EPB42: variants seen among roughly 807,000 people sequenced by gnomAD.
EPB42 encodes the protein erythrocyte membrane protein band 4.2, also known as protein 4.2.
A neutral mutation model predicts 76.9 loss-of-function variants in EPB42; 49 were observed. That is an observed-to-expected ratio of 0.64 (90% CI 0.51 to 0.81). The LOEUF (loss-of-function observed/expected upper bound fraction) is 0.81. Among genes scored for constraint, EPB42 ranks in the 30% least tolerant of loss-of-function variants. The pLI is 0.00. For synonymous variants in EPB42, 310 were observed against 338.4 expected (o/e 0.92, Z 0.92); for missense variants, 731 against 867.6 (o/e 0.84, Z 1.98).
In EPB42 at chr15:43,216,314, A is replaced by G; in HGVS notation, c.150T>C (p.Arg50=). 6.2e-7 allele frequency: 1 copy of G among 1,614,192 alleles called. No individual in the cohort carries two copies. Among genetic ancestry groups the G allele is most frequent in the Non-Finnish European group, 8.5e-7 (1 of 1,180,036 alleles). Residue 50 remains arginine (R), a synonymous_variant, in exon 2 of 13, where the codon CGT becomes CGC. Coordinates refer to ENST00000441366, the MANE Select transcript of EPB42 (RefSeq NM_001114134.2). ...CCTTCTTCAGGGCAGGCAGAAATGC[A>G]CGGACTGGAGCGCGGAAGTACAGGA... The part of the protein sequence containing the change: ...TIILYFRAPV[R]AFLPALKKVA...
upstream of EPB42, among the ~76,000 whole-genome samples, chr15:43,222,153 AT>A (rs1489707680): frequency 1.3e-5 from 2 of 151,712 alleles, no homozygotes; most frequent in African/African-American, 2.4e-5. Context: ...AAAAAAAAAA[AT>A]CCTTCATAAG....
chr15:43,204,665 A>G (rs1423578500), intron 10 of EPB42, among the ~76,000 whole-genome samples: 1 of 152,090 alleles, frequency 6.6e-6, no homozygotes, highest in East Asian at 1.9e-4. Context: ...CACATTCACA[A>G]GCCCCATCTA....
upstream of EPB42, among the ~76,000 whole-genome samples, chr15:43,223,790 A>G (rs1177376088): frequency 6.6e-6 from 1 of 152,170 alleles, no homozygotes; most frequent in Non-Finnish European, 1.5e-5. Flanking sequence ...CCAGGCCAAG[A>G]TGGTGAAAAC....
rs1406267503 is a variant in EPB42, at chr15:43,201,717, T to C, written c.1913+127A>G. 12 of 1,386,840 alleles carry C rather than the reference T, an allele frequency of 8.7e-6. No individual in the cohort carries two copies. The Admixed American group carries it at 1.8e-4, about 21-fold the overall frequency. 85.9% of individuals were successfully genotyped at this position (1,386,840 alleles called of 1,614,324 possible). On this transcript the variant is annotated intron_variant, in intron 12 of 12. Transcript: ENST00000441366. ...GGAAGCCACTTGGTAGCCCTAATCC[T>C]TTAGTTTAGTTTCTAGGGGTATCTG...
chr15:43,216,576 G>T (rs1020450011), intron 1 of EPB42, 123 bp from the exon 2 acceptor site: 1 of 997,812 alleles, frequency 1.0e-6, no homozygotes, highest in Non-Finnish European at 1.5e-6. Flanking sequence ...TTTTAGCTGC[G>T]CAATCCCAGG....
Position 43,201,835 on chromosome 15 carries a change from A to G in EPB42, c.1913+9T>C, listed in dbSNP as rs934668182. ...ATTTCAGGGGGATGAGAAGCCTGCC[A>G]TCACTTACCTGTAGCTCCTCTCTCT... On this transcript the variant is annotated intron_variant, in intron 12 of 12. Coordinates refer to ENST00000441366, the MANE Select transcript of EPB42 (RefSeq NM_001114134.2). 2 of 1,614,066 alleles carry G rather than the reference A, an allele frequency of 1.2e-6. No individual in the cohort carries two copies. Among genetic ancestry groups the G allele is most frequent in the African/African-American group, 1.3e-5 (1 of 74,932 alleles).
rs188822803 is a variant in EPB42 at position 43,208,405 on chromosome 15, T to C, written c.972-72A>G. The C allele has an allele frequency of 3.6e-5, 55 of 1,521,116 alleles. No individual in the cohort carries two copies. The African/African-American group carries it at 6.3e-4, about 17-fold the overall frequency. The allele number at this position is 1,521,116 out of a possible 1,614,324, so 94.2% of individuals were successfully genotyped here. On this transcript the variant is annotated intron_variant, in intron 7 of 12. Coordinates refer to ENST00000441366, the MANE Select transcript of EPB42 (RefSeq NM_001114134.2). ...CTGAAGAGGTTCTGGAAATGCAGCC[T>C]GGCAGAGCTGTTGTTGTTCCAGTGG...
Position 43,210,455 on chromosome 15 carries a change from C to G in EPB42, c.550-16G>C. The G allele has an allele frequency of 6.2e-7, 1 of 1,611,516 alleles. No individual in the cohort carries two copies. The highest frequency in any genetic ancestry group is 8.5e-7 in the Non-Finnish European group (1 of 1,178,638). Reference sequence around the variant, plus strand: ...CCCCCTCGAACTGTTAAGGATCACACAGGGCCATGATGAAGGGTCCCCACA... The same window carrying G: ...CCCCCTCGAACTGTTAAGGATCACAGAGGGCCATGATGAAGGGTCCCCACA... On this transcript the variant is annotated splice_polypyrimidine_tract_variant and intron_variant, in intron 4 of 12. Coordinates refer to ENST00000441366, the MANE Select transcript of EPB42 (RefSeq NM_001114134.2).
rs1567272047 is a variant in EPB42, at chr15:43,203,114, C to A, written c.1779+1G>T. 1 of 1,614,024 alleles carries A rather than the reference C, an allele frequency of 6.2e-7. No homozygotes were observed. Among genetic ancestry groups the A allele is most frequent in the East Asian group, 2.2e-5 (1 of 44,882 alleles). ...CAACTCAGGGGAGGACTGGTGCCTA[C>A]CTTGATGGCAAGGTGTGGTCTACAA... On this transcript the variant is annotated splice_donor_variant, in intron 11 of 12. Transcript: ENST00000441366. LOFTEE classifies it high-confidence loss of function.
chr15:43,211,565 G>A, intron 3 of EPB42, 31 bp from the exon 4 acceptor site: 1 of 1,444,550 alleles, frequency 6.9e-7, no homozygotes, highest in Non-Finnish European at 9.8e-7. Flanking sequence ...ATGAGGGCCT[G>A]TGGGGGTCCT....
rs1377868931 is a variant in EPB42 at position 43,220,924 on chromosome 15, A to G, written c.-99T>C. 1.8e-6 allele frequency: 2 copies of G among 1,141,306 alleles called. No individual in the cohort carries two copies. The highest frequency in any genetic ancestry group is 2.6e-6 in the Non-Finnish European group (2 of 764,898). The allele number at this position is 1,141,306 out of a possible 1,614,324, so 70.7% of individuals were successfully genotyped here. ...CTGGGCTTTCTGTCTTCCAGACAGA[A>G]AATATGAAGGCACTTTTGTTGGCTT... On this transcript the variant is annotated 5_prime_UTR_variant, in exon 1 of 13. Coordinates refer to ENST00000441366, the MANE Select transcript of EPB42 (RefSeq NM_001114134.2).
At chr15:43,216,520 TC>T in intron 1 of EPB42, 67 bp from the exon 2 acceptor site, 1 of 1,561,708 alleles carries the variant, frequency 6.4e-7, no homozygotes, top group Non-Finnish European at 8.8e-7. Flanking sequence ...AAGCAGAGAT[TC>T]TGGAGTCAGA....
chr15:43,215,372 C>A, intron 2 of EPB42, 44 bp from the exon 3 acceptor site: 2 of 1,592,952 alleles, frequency 1.3e-6, no homozygotes, highest in South Asian at 2.2e-5. Context: ...ACTTCTTGGT[C>A]ACAACTCAGA....
chr15:43,210,434 C>T lies in EPB42; in HGVS notation c.555G>A (p.Glu185=). The change falls in exon 5 of 13, where the codon GAG becomes GAA. Residue 185 remains glutamate, a synonymous_variant. Transcript: ENST00000441366. ...GCAGGCTGAGGTCAATGACATCCCC[C>T]TCGAACTGTTAAGGATCACACAGGG... ...QAESWDFGQF[E]GDVIDLSLRL... 4 of 1,613,626 alleles carry T rather than the reference C, an allele frequency of 2.5e-6. No homozygotes were observed. The highest frequency in any genetic ancestry group is 3.4e-6 in the Non-Finnish European group (4 of 1,179,894).
chr15:43,202,205 C>T (rs952303585), intron 11 of EPB42, among the ~76,000 whole-genome samples: 2 of 152,160 alleles, frequency 1.3e-5, no homozygotes, highest in African/African-American at 4.8e-5. Flanking sequence ...ATGCAGACCC[C>T]TTGGAGGGTT....
chr15:43,221,948 G>C (rs1459281298), upstream of EPB42, among the ~76,000 whole-genome samples: 1 of 151,824 alleles, frequency 6.6e-6, no homozygotes, highest in East Asian at 1.9e-4. Context: ...TTCGAGACCA[G>C]CCTGGCCAAT....
At chr15:43,210,807 C>G (rs145968376) in intron 4 of EPB42, among the ~76,000 whole-genome samples, 3 of 152,144 alleles carry the variant, frequency 2.0e-5, no homozygotes, top group Non-Finnish European at 4.4e-5. Flanking sequence ...TGGAGGATAC[C>G]GAGGCAGCTC....
intron 3 of EPB42, among the ~76,000 whole-genome samples, chr15:43,213,916 A>C (rs1346967476): frequency 6.6e-6 from 1 of 152,194 alleles, no homozygotes; most frequent in African/African-American, 2.4e-5. Flanking sequence ...GGATTTAGGT[A>C]CCACAGAGAA....
intron 1 of EPB42, among the ~76,000 whole-genome samples, chr15:43,218,231 G>A (rs1229385648): frequency 1.3e-5 from 2 of 152,168 alleles, no homozygotes; most frequent in Non-Finnish European, 2.9e-5. Context: ...GAGTTGGATT[G>A]GATGGTGGAA....
Sources: allele counts gnomAD v4.1 joint callset (sites outside exome capture counted in the v4.1 genomes callset), GRCh38; gene constraint gnomAD v4.1.1; transcripts MANE v1.5; gene names NCBI Gene and HGNC (gene_info 2026-07-23, HGNC 2026-07-21).